The following RAPGEF4 variants were observed in gnomAD, a reference collection of about 807,000 sequenced individuals.
RAPGEF4 encodes the protein Rap guanine nucleotide exchange factor 4, also known as RAP guanine-nucleotide-exchange factor (GEF) 4.
RAPGEF4 carries 66 observed loss-of-function variants against 147.9 expected under a neutral mutation model. That is an observed-to-expected ratio of 0.45 (90% CI 0.37 to 0.55). RAPGEF4 has a LOEUF of 0.55. Ranked by LOEUF, RAPGEF4 falls within the 20% of genes least tolerant of loss-of-function variation. The pLI is 0.00. For missense variants in RAPGEF4, 1,071 were observed against 1,257.3 expected, an observed-to-expected ratio of 0.85 and a Z score of 2.24; for synonymous variants, 419 against 442.7, an observed-to-expected ratio of 0.95 and a Z score of 0.67.
intron 4 of RAPGEF4, among the ~76,000 whole-genome samples, chr2:172,815,886 A>G (rs1330847935): frequency 6.6e-6 from 1 of 152,168 alleles, no homozygotes; most frequent in Non-Finnish European, 1.5e-5. Flanking sequence ...AATTTCAAAT[A>G]GACAGAAAAA....
chr2:172,994,959 A>G (rs1005720322), intron 15 of RAPGEF4, among the ~76,000 whole-genome samples: 3 of 152,034 alleles, frequency 2.0e-5, no homozygotes, highest in Non-Finnish European at 2.9e-5. Flanking sequence ...TGCGCGCACT[A>G]TAGTTTTAGC....
At chr2:173,013,844 G>A (rs1161845361) in intron 17 of RAPGEF4, among the ~76,000 whole-genome samples, 1 of 152,200 alleles carries the variant, frequency 6.6e-6, no homozygotes, top group Non-Finnish European at 1.5e-5. Context: ...CTACACAAGA[G>A]AAGAAGATAT....
intron 29 of RAPGEF4, among the ~76,000 whole-genome samples, chr2:173,041,785 T>G (rs1292115304): frequency 6.6e-6 from 1 of 152,222 alleles, no homozygotes; most frequent in East Asian, 1.9e-4. Context: ...TCTTCTCCTT[T>G]TGGCCTCAGG....
chr2:172,786,133 G>C (rs548671535), intron 1 of RAPGEF4, among the ~76,000 whole-genome samples: 1 of 152,146 alleles, frequency 6.6e-6, no homozygotes, highest in African/African-American at 2.4e-5. Context: ...AGAGTTGACT[G>C]AATTAAAATT....
At position 172,789,622 on chromosome 2, in the gene RAPGEF4, C is replaced by T. The variant is rs187961451; in HGVS notation, c.66-5403C>T. 1.3e-3 allele frequency among the ~76,000 whole-genome samples: 203 copies of T among 152,290 alleles called. 3 individuals are homozygous for T. The highest frequency in any genetic ancestry group is 6.4e-3 in the South Asian group (31 of 4,826). ...GTCAGCTGATAATAACTCTTCATTTCCCTTTCACTCCAGTCCCTGGTAGCC... is the reference window on the plus strand; with the variant it reads ...GTCAGCTGATAATAACTCTTCATTTTCCTTTCACTCCAGTCCCTGGTAGCC... On this transcript the variant is annotated intron_variant, in intron 1 of 30. Coordinates refer to ENST00000397081, the MANE Select transcript of RAPGEF4 (RefSeq NM_007023.4).
At chr2:172,817,516 A>T (rs1688619332) in intron 4 of RAPGEF4, among the ~76,000 whole-genome samples, 1 of 152,220 alleles carries the variant, frequency 6.6e-6, no homozygotes. Context: ...AGCCTAAGTC[A>T]GCTAGATCAC....
intron 1 of RAPGEF4, among the ~76,000 whole-genome samples, chr2:172,747,116 C>T (rs1694847595): frequency 6.6e-6 from 1 of 152,134 alleles, no homozygotes; most frequent in South Asian, 2.1e-4. Context: ...TCTGTTTATA[C>T]CCTGGATGAA....
chr2:173,045,572 T>C (rs971578589), intron 29 of RAPGEF4, among the ~76,000 whole-genome samples: 2 of 152,202 alleles, frequency 1.3e-5, no homozygotes, highest in Admixed American at 6.5e-5. Context: ...AAATTAAACA[T>C]GTTTGCTGTT....
At chr2:173,048,728 AC>A in intron 30 of RAPGEF4, 74 bp downstream of exon 30, 1 of 1,602,194 alleles carries the variant, frequency 6.2e-7, no homozygotes, top group South Asian at 1.1e-5. Flanking sequence ...CCATTGAGAC[AC>A]CCTTGGAGCC....
intron 4 of RAPGEF4, among the ~76,000 whole-genome samples, chr2:172,838,589 C>A (rs1691226300): frequency 6.6e-6 from 1 of 152,070 alleles, no homozygotes; most frequent in Non-Finnish European, 1.5e-5. Flanking sequence ...GTGATTAGTT[C>A]AATTGTAGAT....
chr2:172,784,535 C>A (rs931066219), intron 1 of RAPGEF4, among the ~76,000 whole-genome samples: 2 of 151,652 alleles, frequency 1.3e-5, no homozygotes, highest in African/African-American at 4.8e-5. Context: ...AAAAAAGATC[C>A]CTGAAAGTAT....
At chr2:172,920,225 A>T (rs528219803) in intron 5 of RAPGEF4, among the ~76,000 whole-genome samples, 1 of 152,258 alleles carries the variant, frequency 6.6e-6, no homozygotes, top group South Asian at 2.1e-4. Flanking sequence ...TTTTAATATT[A>T]TTTTTGACAT....
chr2:173,035,994 AC>A, intron 27 of RAPGEF4, 130 bp from the exon 28 acceptor site: 1 of 686,054 alleles, frequency 1.5e-6, no homozygotes, highest in Admixed American at 2.2e-5. Flanking sequence ...AGTGACCCAC[AC>A]AATTCAAACC....
At chr2:172,822,009 G>A in intron 4 of RAPGEF4, 1 of 1,608,734 alleles carries the variant, frequency 6.2e-7, no homozygotes, top group Non-Finnish European at 8.5e-7. Flanking sequence ...TTTAGTGAAG[G>A]GTGGGAGAGT....
chr2:172,975,157 A>G (rs1363926963), intron 10 of RAPGEF4, among the ~76,000 whole-genome samples: 1 of 152,244 alleles, frequency 6.6e-6, no homozygotes, highest in Non-Finnish European at 1.5e-5. Context: ...CACCCAACTT[A>G]TAATTAATCT....
intron 1 of RAPGEF4, among the ~76,000 whole-genome samples, chr2:172,758,067 G>C (rs1479655636): frequency 1.3e-5 from 2 of 152,206 alleles, no homozygotes; most frequent in African/African-American, 4.8e-5. Flanking sequence ...AGGAGTGCCA[G>C]TGGGTGAAGA....
rs2149711921 is a variant in RAPGEF4, at chr2:172,844,024, T to C, written c.444+29599T>C. Among the ~76,000 whole-genome samples the C allele has an allele frequency of 4.6e-5, 7 of 152,358 alleles. 1 individual carries two copies. The South Asian group carries it at 1.4e-3, about 32-fold the overall frequency. On this transcript the variant is annotated intron_variant, in intron 4 of 30. Coordinates refer to ENST00000397081, the MANE Select transcript of RAPGEF4 (RefSeq NM_007023.4). The stretch of plus-strand genomic sequence containing the variant: ...TCCTTTGAAGGCAGAAACAGTGTTA[T>C]TTGCTTTACATAGAAGCAGTTTACA...
At chr2:172,762,016 G>A (rs2149468963) in intron 1 of RAPGEF4, among the ~76,000 whole-genome samples, 1 of 152,274 alleles carries the variant, frequency 6.6e-6, no homozygotes, top group East Asian at 1.9e-4. Flanking sequence ...AAGCTACTCG[G>A]GAGGCTGAGG....
At chr2:172,984,987 T>G (rs1275517801) in intron 11 of RAPGEF4, among the ~76,000 whole-genome samples, 1 of 152,222 alleles carries the variant, frequency 6.6e-6, no homozygotes, top group African/African-American at 2.4e-5. Context: ...ATGTGTTCGT[T>G]CATTTAGGCT....
Sources: allele counts gnomAD v4.1 joint callset (sites outside exome capture counted in the v4.1 genomes callset), GRCh38; gene constraint gnomAD v4.1.1; transcripts MANE v1.5; gene names NCBI Gene and HGNC (gene_info 2026-07-23, HGNC 2026-07-21).